The following COL23A1 variants were observed in gnomAD, a reference collection of about 807,000 sequenced individuals.
The protein encoded by COL23A1 is collagen type XXIII alpha 1 chain, also known as collagen alpha-1(XXIII) chain.
COL23A1 carries 97 observed loss-of-function variants against 99.3 expected under a neutral mutation model. That is an observed-to-expected ratio of 0.98 (90% CI 0.83 to 1.16). The LOEUF is 1.16. COL23A1 is among the 50% of genes most tolerant of loss of function. COL23A1 has a pLI of 0.00. For missense variants in COL23A1, 762 were observed against 757.4 expected (o/e 1.01, Z -0.07); for synonymous variants, 320 against 308.2 (o/e 1.04, Z -0.40).
chr5:178,299,253 G>A (rs1299796636), intron 3 of COL23A1, among the ~76,000 whole-genome samples: 3 of 152,172 alleles, frequency 2.0e-5, no homozygotes, highest in African/African-American at 7.2e-5. Flanking sequence ...GTGTTTGTTA[G>A]AATTCATCAG....
chr5:178,317,024 A>G (rs1384327927), intron 2 of COL23A1, among the ~76,000 whole-genome samples: 1 of 152,206 alleles, frequency 6.6e-6, no homozygotes, highest in Non-Finnish European at 1.5e-5. Context: ...ATATTTATTA[A>G]AAAACTCAGA....
intron 2 of COL23A1, among the ~76,000 whole-genome samples, chr5:178,503,005 C>T (rs918706930): frequency 1.3e-5 from 2 of 152,208 alleles, no homozygotes; most frequent in African/African-American, 2.4e-5. Flanking sequence ...CGAGCACAGT[C>T]AGGAACGTTA....
chr5:178,331,543 C>T (rs1463002642), intron 2 of COL23A1, among the ~76,000 whole-genome samples: 1 of 152,222 alleles, frequency 6.6e-6, no homozygotes, highest in Non-Finnish European at 1.5e-5. Flanking sequence ...AAATGGTCCC[C>T]AAGGAATCCG....
chr5:178,356,700 C>G (rs1761673716), intron 2 of COL23A1, among the ~76,000 whole-genome samples: 1 of 152,216 alleles, frequency 6.6e-6, no homozygotes, highest in Non-Finnish European at 1.5e-5. Flanking sequence ...GGAGCAGAGC[C>G]GGCTTGGCTG....
chr5:178,574,019 C>T (rs536169), intron 1 of COL23A1, among the ~76,000 whole-genome samples: 66,052 of 151,644 alleles, frequency 0.44, 15,810 homozygotes, highest in African/African-American at 0.64. Context: ...CCATCACGCC[C>T]GCCTAATTTT....
chr5:178,472,856 G>A (rs1756829501), intron 2 of COL23A1, among the ~76,000 whole-genome samples: 1 of 152,170 alleles, frequency 6.6e-6, no homozygotes. Flanking sequence ...AGGACACAGT[G>A]GCTCATGTCT....
chr5:178,296,728 G>A (rs1369469768), intron 3 of COL23A1, among the ~76,000 whole-genome samples: 5 of 152,066 alleles, frequency 3.3e-5, no homozygotes, highest in Admixed American at 2.0e-4. Flanking sequence ...GGTCTCCAGA[G>A]GGGTGGCAGA....
At chr5:178,520,498 G>A (rs1241695086) in intron 2 of COL23A1, among the ~76,000 whole-genome samples, 2 of 152,144 alleles carry the variant, frequency 1.3e-5, no homozygotes, top group Non-Finnish European at 1.5e-5. Flanking sequence ...GATGTGTTTG[G>A]GAAGAAAGCA....
intron 1 of COL23A1, chr5:178,562,628 T>G (rs965540594): frequency 2.0e-5 from 3 of 150,456 alleles, no homozygotes; most frequent in African/African-American, 7.4e-5. Context: ...CTCTTAAAGA[T>G]GACACTGACA....
intron 2 of COL23A1, among the ~76,000 whole-genome samples, chr5:178,547,360 A>G (rs1398404884): frequency 1.3e-5 from 2 of 151,946 alleles, no homozygotes; most frequent in Non-Finnish European, 2.9e-5. Flanking sequence ...AACATGGGTA[A>G]GAATATTGGC....
chr5:178,343,662 T>C (rs1760794970), intron 2 of COL23A1, among the ~76,000 whole-genome samples: 1 of 13,948 alleles, frequency 7.2e-5, no homozygotes, highest in Non-Finnish European at 1.9e-4. Flanking sequence ...TATATATATA[T>C]ATTTTTTTTT....
rs1761958012 is a variant in COL23A1 at position 178,550,774 on chromosome 5, G to C, written c.361+9908C>G. On this transcript the variant is annotated intron_variant, in intron 2 of 28. Transcript: ENST00000390654. ...GCGTGTGATAATGACACCCCACAGA[G>C]TAAAAGGCTGCACCTGTCACTCAAT... Among the ~76,000 whole-genome samples the C allele has an allele frequency of 3.3e-5, 5 of 152,242 alleles. No individual in the cohort carries two copies. The South Asian group carries it at 1.0e-3, about 32-fold the overall frequency.
chr5:178,275,231 C>T (rs1034100102), intron 5 of COL23A1, among the ~76,000 whole-genome samples: 2 of 152,212 alleles, frequency 1.3e-5, no homozygotes, highest in African/African-American at 4.8e-5. Flanking sequence ...CCTTTGTTTC[C>T]CAGACCAATG....
chr5:178,426,613 T>C (rs560433172), intron 2 of COL23A1, among the ~76,000 whole-genome samples: 5 of 152,242 alleles, frequency 3.3e-5, no homozygotes, highest in Admixed American at 6.5e-5. Context: ...CCCTGCAGCC[T>C]GCCACCCCAC....
chr5:178,533,094 C>A (rs972452857), intron 2 of COL23A1, among the ~76,000 whole-genome samples: 1 of 152,162 alleles, frequency 6.6e-6, no homozygotes, highest in Admixed American at 6.5e-5. Context: ...GCCTGCCCTA[C>A]AGGGGATTCT....
At chr5:178,238,726 G>A (rs201979754) in intron 28 of COL23A1, 26 bp from the exon 29 acceptor site, 512 of 1,612,178 alleles carry the variant, frequency 3.2e-4, no homozygotes, top group Non-Finnish European at 4.1e-4. Context: ...GAGACTGAAG[G>A]TGACGAGGAG....
chr5:178,524,806 C>G (rs969224055), intron 2 of COL23A1, among the ~76,000 whole-genome samples: 2 of 152,224 alleles, frequency 1.3e-5, no homozygotes, highest in African/African-American at 2.4e-5. Flanking sequence ...GGCTCCACAA[C>G]AGACCCACAG....
At chr5:178,385,354 A>C (rs1763615714) in intron 2 of COL23A1, among the ~76,000 whole-genome samples, 1 of 152,006 alleles carries the variant, frequency 6.6e-6, no homozygotes, top group Non-Finnish European at 1.5e-5. Flanking sequence ...TCTATCAAAC[A>C]CCACCCCCAC....
chr5:178,523,159 TATACATATATATATATATACAC>T (rs1760056783), intron 2 of COL23A1, among the ~76,000 whole-genome samples: 9 of 70,096 alleles, frequency 1.3e-4, no homozygotes, highest in Non-Finnish European at 9.0e-5. Context: ...TATATATATA[TATACATATATATATATATACAC>T]ATATATATAT....
Sources: allele counts gnomAD v4.1 joint callset (sites outside exome capture counted in the v4.1 genomes callset), GRCh38; gene constraint gnomAD v4.1.1; transcripts MANE v1.5; gene names NCBI Gene and HGNC (gene_info 2026-07-23, HGNC 2026-07-21).